Variants in C2CD5 observed in about 807,000 individuals in gnomAD.
C2CD5 encodes C2 domain-containing protein 5.
Under a neutral mutation model 130.3 loss-of-function variants are expected in C2CD5, and 109 were observed. That is an observed-to-expected ratio of 0.84 (90% CI 0.72 to 0.98). The LOEUF (loss-of-function observed/expected upper bound fraction) is 0.98. Ranked by LOEUF, C2CD5 falls within the 50% of genes least tolerant of loss-of-function variation. C2CD5 has a pLI of 0.00. For synonymous variants in C2CD5, 454 were observed against 429.2 expected (o/e 1.06, Z -0.71); for missense variants, 996 against 1,261.8 (o/e 0.79, Z 3.19).
rs185540645 is a variant in C2CD5 at position 22,483,527 on chromosome 12, G to A, written c.1551-784C>T. 9.1e-4 allele frequency among the ~76,000 whole-genome samples: 139 copies of A among 151,926 alleles called. 2 individuals carry two copies. Among genetic ancestry groups the A allele is most frequent in the Non-Finnish European group, 1.6e-4 (11 of 67,930 alleles). ...GCTGCCAGCCCAAAATATTTTTTAA[G>A]ATAAAAGTAAAATAAACACATTTTT... On this transcript the variant is annotated intron_variant, in intron 13 of 26. Coordinates refer to ENST00000446597, the MANE Select transcript of C2CD5 (RefSeq NM_001286176.2).
At chr12:22,503,587 T>C (rs1948084499) in intron 10 of C2CD5, among the ~76,000 whole-genome samples, 1 of 152,146 alleles carries the variant, frequency 6.6e-6, no homozygotes, top group Non-Finnish European at 1.5e-5. Flanking sequence ...CTCGGCTTAC[T>C]GCAACCTCCA....
rs1489408119 is a variant in C2CD5 at position 22,544,300 on chromosome 12, C to A, written c.-30+20G>T. 5.4e-6 allele frequency: 3 copies of A among 555,692 alleles called. No individual in the cohort carries two copies. 34.4% of individuals were successfully genotyped at this position (555,692 alleles called of 1,614,324 possible). A position where few individuals can be genotyped will look rare whatever the true frequency, so the allele number is the denominator to read the frequency against. On this transcript the variant is annotated intron_variant, in intron 1 of 26. Transcript: ENST00000446597. Reference sequence around the variant, plus strand: ...GGCGCGCGCGGGCGCCCGGCAGTCGCGCCACGGGTCGCCACTCACTGTCGC... The same window carrying A: ...GGCGCGCGCGGGCGCCCGGCAGTCGAGCCACGGGTCGCCACTCACTGTCGC...
intron 7 of C2CD5, among the ~76,000 whole-genome samples, chr12:22,521,690 G>A (rs1274753066): frequency 6.6e-6 from 1 of 152,050 alleles, no homozygotes; most frequent in African/African-American, 2.4e-5. Context: ...TTCATTCTTC[G>A]ATTTATTTAA....
chr12:22,513,311 A>G lies in C2CD5; in HGVS notation c.1021T>C (p.Ser341Pro). The G allele has an allele frequency of 1.2e-6, 2 of 1,609,744 alleles. No homozygotes were observed. Among genetic ancestry groups the G allele is most frequent in the Non-Finnish European group, 1.7e-6 (2 of 1,176,150 alleles). The change falls in exon 9 of 27, where the codon TCA (serine) becomes CCA (proline). Residue 341 changes from serine to proline, a missense_variant. This residue lies in a region of C2CD5 where 156 missense variants were observed against 165.9 expected (regional missense o/e 0.94). Coordinates refer to ENST00000446597, the MANE Select transcript of C2CD5 (RefSeq NM_001286176.2). ...AATCTTACCCTCTGTTCCAACGCTG[A>G]TTGAGTCTGTTGTCTTAAAAGAGCT... ...FKALLRQQTQ[S>P]ALEQREFPFF...
At chr12:22,525,729 A>C (rs1405097865) in intron 4 of C2CD5, 24 bp from the exon 5 acceptor site, 1 of 1,071,808 alleles carries the variant, frequency 9.3e-7, no homozygotes, top group East Asian at 2.4e-5. Context: ...AAGAAAATCA[A>C]GTTTCTACCT....
chr12:22,520,716 C>T (rs891731968), intron 7 of C2CD5, among the ~76,000 whole-genome samples: 1 of 151,926 alleles, frequency 6.6e-6, no homozygotes, highest in African/African-American at 2.4e-5. Context: ...GAATTTGTCT[C>T]GTAGTACTTT....
chr12:22,502,689 C>T, intron 10 of C2CD5: 1 of 994,716 alleles, frequency 1.0e-6, no homozygotes, highest in Non-Finnish European at 1.5e-6. Context: ...CTTCACTGAG[C>T]TGCCATAATT....
intron 7 of C2CD5, among the ~76,000 whole-genome samples, chr12:22,522,192 T>C (rs1230929357): frequency 3.9e-5 from 6 of 152,218 alleles, no homozygotes; most frequent in African/African-American, 9.7e-5. Context: ...CAGAAAAAGT[T>C]TGCCAACCCT....
chr12:22,505,254 CTTT>C (rs371726014), intron 10 of C2CD5, among the ~76,000 whole-genome samples: 11 of 106,314 alleles, frequency 1.0e-4, no homozygotes, highest in Non-Finnish European at 1.4e-4. Context: ...TTCTTTCTTT[CTTT>C]TTTTTTTTTT....
chr12:22,497,056 T>C (rs1458895707), intron 10 of C2CD5, among the ~76,000 whole-genome samples: 1 of 152,130 alleles, frequency 6.6e-6, no homozygotes, highest in African/African-American at 2.4e-5. Context: ...TATGCTCTTA[T>C]TAAACTCAAC....
chr12:22,511,024 A>T (rs558024422), intron 9 of C2CD5, among the ~76,000 whole-genome samples: 3 of 152,232 alleles, frequency 2.0e-5, no homozygotes, highest in African/African-American at 7.2e-5. Flanking sequence ...GTGGAACTTA[A>T]ATCTAAATAA....
At chr12:22,523,654 T>G (rs1212626061) in intron 6 of C2CD5, 30 bp from the exon 7 acceptor site, 1 of 1,565,358 alleles carries the variant, frequency 6.4e-7, no homozygotes, top group South Asian at 1.1e-5. Flanking sequence ...TCATTCTTGC[T>G]TTGTAGCTTT....
chr12:22,490,613 T>G (rs1946211209), intron 11 of C2CD5, among the ~76,000 whole-genome samples: 1 of 152,128 alleles, frequency 6.6e-6, no homozygotes, highest in South Asian at 2.1e-4. Flanking sequence ...TTTATTAAAA[T>G]TATTCTAAAA....
chr12:22,527,614 A>C, intron 4 of C2CD5, 107 bp downstream of exon 4: 1 of 652,554 alleles, frequency 1.5e-6, no homozygotes. Context: ...CACCGCACCT[A>C]GCCTAAAGAT....
chr12:22,466,561 CTATTA>C (rs1565660592), intron 22 of C2CD5, among the ~76,000 whole-genome samples: 2 of 152,078 alleles, frequency 1.3e-5, no homozygotes, highest in African/African-American at 4.8e-5. Context: ...TTTTAAGACT[CTATTA>C]TATTTTTCAG....
chr12:22,526,489 A>ATTTTATATGAATATATAT (rs1950729017), intron 4 of C2CD5, among the ~76,000 whole-genome samples: 1 of 152,244 alleles, frequency 6.6e-6, no homozygotes, highest in African/African-American at 2.4e-5. Flanking sequence ...TTATGATCCC[A>ATTTTATATGAATATATAT]GATTATATAT....
intron 8 of C2CD5, among the ~76,000 whole-genome samples, chr12:22,516,643 T>C (rs541560200): frequency 6.7e-6 from 1 of 149,932 alleles, no homozygotes. Flanking sequence ...GCAAAAAAAA[T>C]AAAATAATAA....
chr12:22,449,869 C>T lies in C2CD5; in HGVS notation c.3047G>A (p.Ser1016Asn). The change falls in exon 27 of 27, where the codon AGT becomes AAT. Residue 1016 changes from serine (S) to asparagine (N), a missense_variant. Ser to Asn is a conservative substitution (Grantham distance 46, BLOSUM62 1). Around this residue, in one of 9 missense-constraint regions of C2CD5, gnomAD observed 48 missense variants for 46.4 expected, o/e 1.03. Coordinates refer to ENST00000446597, the MANE Select transcript of C2CD5 (RefSeq NM_001286176.2). ...ACGAACAAAAACCACTGCATCACCA[C>T]TTACATTTATAAGACACTGTGCCTA... is the stretch of plus-strand genomic sequence containing the variant. ...KNQAQCLINV[S>N]GDAVVFVRES... is the part of the protein sequence containing the mutation. 2 of 1,610,096 alleles carry T rather than the reference C, an allele frequency of 1.2e-6. No homozygotes were observed. The highest frequency in any genetic ancestry group is 1.7e-6 in the Non-Finnish European group (2 of 1,176,884).
At chr12:22,507,342 A>C (rs1229402094) in intron 9 of C2CD5, among the ~76,000 whole-genome samples, 2 of 152,242 alleles carry the variant, frequency 1.3e-5, no homozygotes, top group African/African-American at 4.8e-5. Flanking sequence ...ATAGTGGCAA[A>C]TATCAAGTTG....
Sources: gnomAD v4.1 joint callset for allele counts (sites outside exome capture counted in the v4.1 genomes callset) on GRCh38, gnomAD v4.1.1 for gene constraint, gnomAD v4.1.1 regional missense constraint, MANE v1.5 for transcripts, NCBI Gene and HGNC (gene_info 2026-07-23, HGNC 2026-07-21) for gene names.